IMPG1: variants seen among roughly 807,000 people sequenced by gnomAD.
IMPG1 encodes interphotoreceptor matrix proteoglycan of 150 kDa.
IMPG1 carries 85 observed loss-of-function variants against 92.0 expected under a neutral mutation model. The observed-to-expected ratio is 0.92, with a 90% CI of 0.78 to 1.11. The LOEUF is 1.11. IMPG1 is among the 50% of genes least tolerant of loss of function. The pLI, the probability that IMPG1 is intolerant of heterozygous loss-of-function variation, is 0.00. For synonymous variants in IMPG1, 367 were observed against 334.1 expected (o/e 1.10, Z -1.08); for missense variants, 1,022 against 956.0 (o/e 1.07, Z -0.91).
Position 76,024,236 on chromosome 6 carries a change from A to G in IMPG1, c.562+958T>C, listed in dbSNP as rs555458225. On this transcript the variant is annotated intron_variant, in intron 5 of 16. Coordinates refer to ENST00000369950, the MANE Select transcript of IMPG1 (RefSeq NM_001563.4). ...ATGTCAGTAAAGGAAGAAATGGGAA[A>G]GTAATATCATTTATTTACAAATATC... Among the ~76,000 whole-genome samples the G allele has an allele frequency of 2.0e-5, 3 of 152,332 alleles. No homozygotes were observed. The East Asian group carries it at 5.8e-4, about 29-fold the overall frequency.
At chr6:76,071,183 T>C (rs968766968) in intron 1 of IMPG1, among the ~76,000 whole-genome samples, 80 of 148,196 alleles carry the variant, frequency 5.4e-4, no homozygotes, top group African/African-American at 1.9e-3. Context: ...ATAAAAATTA[T>C]ATATAATTAT....
At chr6:75,939,139 T>C (rs1412748660) in intron 14 of IMPG1, among the ~76,000 whole-genome samples, 1 of 152,218 alleles carries the variant, frequency 6.6e-6, no homozygotes, top group Admixed American at 6.5e-5. Context: ...GCTCCCAGCC[T>C]TCACTAAACT....
At chr6:76,048,425 A>C (rs951074282) in intron 1 of IMPG1, among the ~76,000 whole-genome samples, 1 of 152,174 alleles carries the variant, frequency 6.6e-6, no homozygotes, top group South Asian at 2.1e-4. Context: ...CTTCCCAAGC[A>C]TCCAGCACAG....
At chr6:75,947,263 T>C (rs201889175) in intron 14 of IMPG1, 51 bp downstream of exon 14, 2 of 1,106,644 alleles carry the variant, frequency 1.8e-6, no homozygotes, top group Non-Finnish European at 2.5e-6. Context: ...AGAACGAAAT[T>C]AAAAAAATGA....
At chr6:75,976,015 AG>A (rs1465806859) in intron 12 of IMPG1, among the ~76,000 whole-genome samples, 14 of 152,004 alleles carry the variant, frequency 9.2e-5, no homozygotes, top group Non-Finnish European at 1.8e-4. Flanking sequence ...TACAAACGGT[AG>A]GTTGGATTTG....
intron 1 of IMPG1, among the ~76,000 whole-genome samples, chr6:76,058,228 A>C (rs1784151990): frequency 2.0e-5 from 3 of 152,174 alleles, no homozygotes. Flanking sequence ...ATTAGCAAAG[A>C]CATGAATTCA....
At chr6:76,035,117 C>G (rs750654741) in intron 2 of IMPG1, among the ~76,000 whole-genome samples, 1 of 151,610 alleles carries the variant, frequency 6.6e-6, no homozygotes, top group Non-Finnish European at 1.5e-5. Flanking sequence ...GTAAAGTCTC[C>G]CAGTTTGTGG....
chr6:75,980,323 G>A (rs537172898), intron 12 of IMPG1, among the ~76,000 whole-genome samples: 16 of 152,338 alleles, frequency 1.1e-4, no homozygotes, highest in Non-Finnish European at 1.9e-4. Context: ...GGAAAATGGC[G>A]TGTGCAAACA....
intron 12 of IMPG1, among the ~76,000 whole-genome samples, chr6:75,957,095 T>G (rs922628997): frequency 1.3e-5 from 2 of 152,106 alleles, no homozygotes; most frequent in Non-Finnish European, 2.9e-5. Flanking sequence ...AATTTTTGTA[T>G]TTTTAGTAGA....
intron 12 of IMPG1, among the ~76,000 whole-genome samples, chr6:75,966,736 G>A (rs1343796003): frequency 6.6e-6 from 1 of 152,118 alleles, no homozygotes; most frequent in African/African-American, 2.4e-5. Flanking sequence ...TTCAGAAACT[G>A]ATCATAGAGG....
chr6:76,034,394 C>A (rs368714664), intron 3 of IMPG1, 51 bp from the exon 4 acceptor site: 1 of 1,530,176 alleles, frequency 6.5e-7, no homozygotes, highest in Non-Finnish European at 9.0e-7. Flanking sequence ...TAATGCCAAC[C>A]GAAGAGTTAA....
At chr6:76,045,212 T>C (rs1783916657) in intron 1 of IMPG1, among the ~76,000 whole-genome samples, 1 of 152,172 alleles carries the variant, frequency 6.6e-6, no homozygotes, top group Non-Finnish European at 1.5e-5. Context: ...CCAAGACAAA[T>C]GTTCTACAAA....
At chr6:75,987,312 T>G (rs1359186657) in intron 12 of IMPG1, among the ~76,000 whole-genome samples, 2 of 151,868 alleles carry the variant, frequency 1.3e-5, no homozygotes, top group Non-Finnish European at 2.9e-5. Context: ...TTTTTTTTTT[T>G]TTTTAATTAT....
At chr6:76,035,931 A>T (rs1436888520) in intron 2 of IMPG1, among the ~76,000 whole-genome samples, 2 of 152,228 alleles carry the variant, frequency 1.3e-5, no homozygotes, top group African/African-American at 2.4e-5. Context: ...AACAAATTAA[A>T]AGGAGTCCTA....
At chr6:75,940,599 G>T (rs1471837473) in intron 14 of IMPG1, among the ~76,000 whole-genome samples, 1 of 152,080 alleles carries the variant, frequency 6.6e-6, no homozygotes, top group African/African-American at 2.4e-5. Flanking sequence ...TTTTATTAAA[G>T]TTTAATTTTA....
At chr6:76,011,729 TC>T (rs1230757357) in intron 7 of IMPG1, among the ~76,000 whole-genome samples, 3 of 81,858 alleles carry the variant, frequency 3.7e-5, no homozygotes, top group Non-Finnish European at 6.9e-5. Flanking sequence ...ATGCTATCCC[TC>T]CCCCCTCCCC....
At chr6:75,996,798 T>C (rs1470719446) in intron 12 of IMPG1, among the ~76,000 whole-genome samples, 3 of 152,156 alleles carry the variant, frequency 2.0e-5, no homozygotes. Flanking sequence ...CAACCCACAA[T>C]AAAGTTGATC....
At chr6:75,929,549 T>A (rs1418439863) in intron 15 of IMPG1, among the ~76,000 whole-genome samples, 1 of 46,534 alleles carries the variant, frequency 2.1e-5, no homozygotes, top group Non-Finnish European at 4.0e-5. Context: ...GGGACTGTTG[T>A]GGGGTGGGGG....
At chr6:75,964,173 A>G (rs1248272851) in intron 12 of IMPG1, among the ~76,000 whole-genome samples, 1 of 152,196 alleles carries the variant, frequency 6.6e-6, no homozygotes, top group Non-Finnish European at 1.5e-5. Flanking sequence ...TTAAATTCTC[A>G]TCTCTGTCTG....
Sources: allele counts gnomAD v4.1 joint callset (sites outside exome capture counted in the v4.1 genomes callset), GRCh38; gene constraint gnomAD v4.1.1; transcripts MANE v1.5; gene names NCBI Gene and HGNC (gene_info 2026-07-23, HGNC 2026-07-21).